Variants in RAPGEF5 observed in about 807,000 individuals in gnomAD.
RAPGEF5 encodes the protein M-Ras-regulated GEF.
In RAPGEF5, 65 loss-of-function variants were observed where a neutral mutation model predicts 125.2. The observed-to-expected ratio is 0.52, with a 90% confidence interval of 0.43 to 0.64. The LOEUF (loss-of-function observed/expected upper bound fraction) is 0.64, where lower values mean the gene tolerates loss of function less well. Among genes scored for constraint, RAPGEF5 ranks in the 30% least tolerant of loss-of-function variants. The pLI is 0.00. For synonymous variants in RAPGEF5, 391 were observed against 385.9 expected (o/e 1.01, Z -0.16); for missense variants, 958 against 1,048.1 (o/e 0.91, Z 1.19).
chr7:22,146,919 C>A lies in RAPGEF5; in HGVS notation c.1985G>T (p.Ser662Ile). Residue 662 changes from serine to isoleucine, a missense_variant, in exon 19 of 26, where the codon AGT becomes ATT. Physicochemically the swap from Ser to Ile is moderately radical, Grantham distance 142 (BLOSUM62 -2). Transcript: ENST00000665637. ...TACCTCGTGAATTGAATTGAATAGACTCCAATCAAAATTCATTAATTCCAG... is the reference window on the plus strand; with the variant it reads ...TACCTCGTGAATTGAATTGAATAGAATCCAATCAAAATTCATTAATTCCAG... ...LALELMNFDW[S>I]LFNSIHEQEL... is the part of the protein sequence containing the mutation. 1 of 1,613,484 alleles carries A rather than the reference C, an allele frequency of 6.2e-7. No homozygotes were observed. The highest frequency in any genetic ancestry group is 2.2e-5 in the East Asian group (1 of 44,872).
chr7:22,268,706 T>G (rs993976432), intron 6 of RAPGEF5, among the ~76,000 whole-genome samples: 1 of 152,162 alleles, frequency 6.6e-6, no homozygotes, highest in Non-Finnish European at 1.5e-5. Context: ...ACGAGGTGGA[T>G]CACTTAATTT....
intron 6 of RAPGEF5, among the ~76,000 whole-genome samples, chr7:22,286,071 C>T (rs995900826): frequency 2.0e-5 from 3 of 152,152 alleles, no homozygotes; most frequent in Admixed American, 1.3e-4. Context: ...TCTGAACACC[C>T]AATTTGTAAT....
At chr7:22,144,668 G>T (rs1456100012) in intron 20 of RAPGEF5, among the ~76,000 whole-genome samples, 1 of 152,130 alleles carries the variant, frequency 6.6e-6, no homozygotes, top group African/African-American at 2.4e-5. Context: ...CAATGAGCAG[G>T]TCCTACAATG....
chr7:22,240,062 T>C (rs1021402583), intron 7 of RAPGEF5, among the ~76,000 whole-genome samples: 1 of 151,754 alleles, frequency 6.6e-6, no homozygotes, highest in Non-Finnish European at 1.5e-5. Context: ...TACAAAAAAT[T>C]AGCCAGGAGT....
chr7:22,330,474 C>T (rs1207965428), intron 1 of RAPGEF5, among the ~76,000 whole-genome samples: 1 of 152,208 alleles, frequency 6.6e-6, no homozygotes, highest in Admixed American at 6.5e-5. Context: ...AGAGATGAGG[C>T]AGCCCTTCCA....
intron 11 of RAPGEF5, among the ~76,000 whole-genome samples, chr7:22,170,874 T>C (rs957547819): frequency 6.6e-6 from 1 of 152,202 alleles, no homozygotes; most frequent in Non-Finnish European, 1.5e-5. Flanking sequence ...ACAGCTCCAG[T>C]TGAAGTCCTA....
In RAPGEF5 at chr7:22,134,921, A is replaced by T. The variant is rs145372650; in HGVS notation, c.2416+1117T>A. On this transcript the variant is annotated intron_variant, in intron 23 of 25. Transcript: ENST00000665637. ...GACGCATCTGTGCATATCTATCTCC[A>T]TTGTCCTAATATTATATTCCTGTTT... 9.3e-4 allele frequency among the ~76,000 whole-genome samples: 142 copies of T among 152,256 alleles called. 3 individuals are homozygous for T. The highest frequency in any genetic ancestry group is 3.3e-3 in the African/African-American group (136 of 41,542).
intron 1 of RAPGEF5, among the ~76,000 whole-genome samples, chr7:22,329,581 TAAGTAA>T (rs1053492280): frequency 2.6e-5 from 4 of 152,038 alleles, no homozygotes; most frequent in African/African-American, 9.7e-5. Context: ...AAAATAAAAA[TAAGTAA>T]AAGTAAAGAG....
chr7:22,278,828 G>T (rs188530124), intron 6 of RAPGEF5, among the ~76,000 whole-genome samples: 1 of 150,820 alleles, frequency 6.6e-6, no homozygotes, highest in African/African-American at 2.4e-5. Flanking sequence ...TATGTACCTG[G>T]GCACTGTTCC....
At chr7:22,235,494 A>G (rs566587538) in intron 7 of RAPGEF5, among the ~76,000 whole-genome samples, 1 of 152,368 alleles carries the variant, frequency 6.6e-6, no homozygotes, top group Admixed American at 6.5e-5. Context: ...TTAATGAAAT[A>G]GAACAGAATA....
chr7:22,133,777 T>G (rs1440164016), intron 23 of RAPGEF5, among the ~76,000 whole-genome samples: 1 of 152,198 alleles, frequency 6.6e-6, no homozygotes, highest in Non-Finnish European at 1.5e-5. Flanking sequence ...TCCCCAGCAC[T>G]TAGTGTTTCC....
chr7:22,266,271 C>T (rs940705242), intron 7 of RAPGEF5, among the ~76,000 whole-genome samples: 4 of 152,134 alleles, frequency 2.6e-5, no homozygotes, highest in Non-Finnish European at 2.9e-5. Flanking sequence ...ATTTTCATTC[C>T]ATTCAGCATT....
At chr7:22,286,765 C>CGTT (rs1782808606) in intron 6 of RAPGEF5, among the ~76,000 whole-genome samples, 1 of 152,160 alleles carries the variant, frequency 6.6e-6, no homozygotes, top group Admixed American at 6.5e-5. Context: ...AAGCAGACCC[C>CGTT]TGGGTTGTAA....
intron 7 of RAPGEF5, among the ~76,000 whole-genome samples, chr7:22,249,986 A>G (rs1333951205): frequency 3.9e-5 from 6 of 152,336 alleles, no homozygotes; most frequent in African/African-American, 1.4e-4. Context: ...TTTAGAAAAA[A>G]CACAATTTTA....
At chr7:22,305,010 T>C (rs1003315784) in intron 5 of RAPGEF5, among the ~76,000 whole-genome samples, 1 of 152,198 alleles carries the variant, frequency 6.6e-6, no homozygotes, top group African/African-American at 2.4e-5. Context: ...CTGTTTATAA[T>C]TTTATAGGAA....
At chr7:22,242,178 G>C (rs1240274005) in intron 7 of RAPGEF5, among the ~76,000 whole-genome samples, 2 of 152,204 alleles carry the variant, frequency 1.3e-5, no homozygotes, top group African/African-American at 2.4e-5. Context: ...CTGTGGGCAG[G>C]GGTGCTGGTT....
chr7:22,131,514 C>T (rs1782913959), intron 23 of RAPGEF5, among the ~76,000 whole-genome samples: 1 of 152,116 alleles, frequency 6.6e-6, no homozygotes, highest in South Asian at 2.1e-4. Flanking sequence ...AAATCCCTGG[C>T]AAAGTGTATG....
At chr7:22,282,814 C>T (rs1782705134) in intron 6 of RAPGEF5, among the ~76,000 whole-genome samples, 1 of 152,064 alleles carries the variant, frequency 6.6e-6, no homozygotes, top group South Asian at 2.1e-4. Context: ...AAAGGTTTCC[C>T]CACAAAGAAG....
chr7:22,135,945 A>G (rs1160837114), intron 23 of RAPGEF5, 93 bp downstream of exon 23: 1 of 946,478 alleles, frequency 1.1e-6, no homozygotes, highest in Admixed American at 2.8e-5. Context: ...CTGTAAAGAG[A>G]CAAAATGAGA....
Sources: gnomAD v4.1 joint callset for allele counts (sites outside exome capture counted in the v4.1 genomes callset) on GRCh38, gnomAD v4.1.1 for gene constraint, MANE v1.5 for transcripts, NCBI Gene and HGNC (gene_info 2026-07-23, HGNC 2026-07-21) for gene names.